MSH3: variants seen among roughly 807,000 people sequenced by gnomAD.
MSH3 encodes the protein mutS homolog 3.
MSH3 carries 106 observed loss-of-function variants against 123.3 expected under a neutral mutation model. That is an observed-to-expected ratio of 0.86 (90% CI 0.73 to 1.01). The LOEUF (loss-of-function observed/expected upper bound fraction) is 1.01. MSH3 is among the 50% of genes least tolerant of loss of function. The pLI, the probability that MSH3 is intolerant of heterozygous loss-of-function variation, is 0.00. For synonymous variants in MSH3, 515 were observed against 481.4 expected, an observed-to-expected ratio of 1.07 and a Z score of -0.91; for missense variants, 1,459 against 1,347.6, an observed-to-expected ratio of 1.08 and a Z score of -1.29.
In MSH3 at chr5:80,656,351, C is replaced by T. The variant is rs1030519917; in HGVS notation, c.238-60C>T. Reference sequence around the variant, plus strand: ...CAGTTGTAAGGTTTAAATTGCTTCACATACGTCAGGCCTTCTCAGAGTAGA... The same window carrying T: ...CAGTTGTAAGGTTTAAATTGCTTCATATACGTCAGGCCTTCTCAGAGTAGA... On this transcript the variant is annotated intron_variant, in intron 1 of 23. Transcript: ENST00000265081. 27 of 1,607,004 alleles carry T rather than the reference C, an allele frequency of 1.7e-5. No homozygotes were observed. In the African/African-American group the frequency reaches 2.7e-4, roughly 16 times the overall value.
chr5:80,712,630 A>G (rs1750881983), intron 8 of MSH3, among the ~76,000 whole-genome samples: 1 of 152,030 alleles, frequency 6.6e-6, no homozygotes, highest in African/African-American at 2.4e-5. Flanking sequence ...ATCTGAATTT[A>G]ATTTTCTTTT....
intron 19 of MSH3, among the ~76,000 whole-genome samples, chr5:80,808,460 G>T (rs965959488): frequency 6.6e-6 from 1 of 152,108 alleles, no homozygotes; most frequent in African/African-American, 2.4e-5. Flanking sequence ...GCCTTGACCT[G>T]GTTGAAGAAG....
intron 13 of MSH3, among the ~76,000 whole-genome samples, chr5:80,767,515 C>T (rs1016429768): frequency 7.2e-5 from 11 of 152,036 alleles, no homozygotes; most frequent in African/African-American, 1.4e-4. Flanking sequence ...GCTGCATATT[C>T]AGTTTGTTTA....
intron 8 of MSH3, among the ~76,000 whole-genome samples, chr5:80,716,222 C>G (rs1012736618): frequency 6.6e-6 from 1 of 152,102 alleles, no homozygotes; most frequent in African/African-American, 2.4e-5. Flanking sequence ...GCTAGTTTTC[C>G]CTACCCCACA....
chr5:80,698,958 T>C (rs1401397129), intron 8 of MSH3, among the ~76,000 whole-genome samples: 1 of 151,842 alleles, frequency 6.6e-6, no homozygotes, highest in Non-Finnish European at 1.5e-5. Context: ...AATAAAAATA[T>C]ACAAATAAAT....
Position 80,813,614 on chromosome 5 carries a change from G to A in MSH3, c.2686G>A (p.Gly896Arg), listed in dbSNP as rs777054839. The change falls in exon 20 of 24, where the codon GGA (glycine) becomes AGA (arginine). Residue 896 changes from glycine to arginine, a missense_variant. Gly to Arg is a moderately radical substitution (Grantham distance 125, BLOSUM62 -2). Transcript: ENST00000265081. Reference protein sequence around the residue: ...EDSERVMIITGPNMGGKSSYI... With the variant: ...EDSERVMIITRPNMGGKSSYI... ...CTCAGAGAGAGTAATGATAATTACCGGACCAAACATGGGTGGAAAGAGCTC... is the reference window on the plus strand; with the variant it reads ...CTCAGAGAGAGTAATGATAATTACCAGACCAAACATGGGTGGAAAGAGCTC... 36 of 1,613,852 alleles carry A rather than the reference G, an allele frequency of 2.2e-5. No individual in the cohort carries two copies. Among genetic ancestry groups the A allele is most frequent in the African/African-American group, 5.3e-5 (4 of 74,866 alleles).
chr5:80,824,620 G>A (rs1468313966), intron 20 of MSH3, among the ~76,000 whole-genome samples: 1 of 152,214 alleles, frequency 6.6e-6, no homozygotes, highest in Non-Finnish European at 1.5e-5. Context: ...ATTATGAAAT[G>A]TAACAGGTGT....
At position 80,833,276 on chromosome 5, in the gene MSH3, T is replaced by C. The variant is rs570689707; in HGVS notation, c.2813+19535T>C. On this transcript the variant is annotated intron_variant, in intron 20 of 23. Coordinates refer to ENST00000265081, the MANE Select transcript of MSH3 (RefSeq NM_002439.5). The stretch of plus-strand genomic sequence containing the variant: ...TAACTTTAAGATGAAACCTAAAGAA[T>C]GGATTTTTCATTTTTTACTACATTT... 7.9e-5 allele frequency among the ~76,000 whole-genome samples: 12 copies of C among 152,184 alleles called. No individual in the cohort carries two copies. In the South Asian group the frequency reaches 2.3e-3, roughly 29 times the overall value.
At chr5:80,848,101 T>C (rs1745756824) in intron 20 of MSH3, among the ~76,000 whole-genome samples, 1 of 152,178 alleles carries the variant, frequency 6.6e-6, no homozygotes, top group South Asian at 2.1e-4. Flanking sequence ...TAGCCAGGCA[T>C]GCCTGTAGTC....
chr5:80,854,311 A>G lies in MSH3; in HGVS notation c.2995A>G (p.Arg999Gly), dbSNP rs2112106692. 2 of 1,612,884 alleles carry G rather than the reference A, an allele frequency of 1.2e-6. No homozygotes were observed. Among genetic ancestry groups the G allele is most frequent in the Non-Finnish European group, 1.7e-6 (2 of 1,178,968 alleles). ...CTATGCTACACTTGAGTATTTCATC[A>G]GAGATGTAAGTATCCGGTAAACTGT... is the stretch of plus-strand genomic sequence containing the variant. ...IAYATLEYFI[R>G]DVKSLTLFVT... The change falls in exon 21 of 24, where the codon AGA (arginine) becomes GGA (glycine). Residue 999 changes from arginine (R) to glycine (G), a missense_variant. By Grantham distance (125) the Arg-to-Gly change is moderately radical. Transcript: ENST00000265081.
chr5:80,815,437 A>G (rs577971085), intron 20 of MSH3, among the ~76,000 whole-genome samples: 66 of 152,314 alleles, frequency 4.3e-4, no homozygotes, highest in Admixed American at 8.5e-4. Flanking sequence ...CTGGAAGGAA[A>G]TCTTGTTACT....
At chr5:80,687,697 G>T (rs952525579) in intron 8 of MSH3, among the ~76,000 whole-genome samples, 1 of 152,156 alleles carries the variant, frequency 6.6e-6, no homozygotes, top group Non-Finnish European at 1.5e-5. Flanking sequence ...GAACTTTCAT[G>T]TTGAGAATTG....
At chr5:80,786,004 AGGG>A (rs36170505) in intron 17 of MSH3, among the ~76,000 whole-genome samples, 3 of 32,244 alleles carry the variant, frequency 9.3e-5, no homozygotes, top group African/African-American at 3.7e-4. Context: ...GGTGGGGGGA[AGGG>A]GGGAGGGATA....
rs1749190439 is a variant in MSH3, at chr5:80,654,791, G to T, written c.64G>T (p.Ala22Ser). 6.2e-7 allele frequency: 1 copy of T among 1,607,270 alleles called. No homozygotes were observed. Among genetic ancestry groups the T allele is most frequent in the Non-Finnish European group, 8.5e-7 (1 of 1,177,482 alleles). The change falls in exon 1 of 24, where the codon GCG becomes TCG. Residue 22 changes from alanine (A) to serine (S), a missense_variant. Coordinates refer to ENST00000265081, the MANE Select transcript of MSH3 (RefSeq NM_002439.5). ...CTCCAGCTCAGCCCCTGCGAGGCAA[G>T]CGGTTTTGAGCCGATTCTTCCAGTC... ...AASSSAPARQ[A>S]VLSRFFQSTG...
At chr5:80,715,295 G>A (rs1160840886) in intron 8 of MSH3, 3 of 152,128 alleles carry the variant, frequency 2.0e-5, no homozygotes, top group Non-Finnish European at 4.4e-5. Context: ...ACTGACAAAA[G>A]TTCCCATCCT....
chr5:80,783,658 G>A (rs568154982), intron 17 of MSH3, among the ~76,000 whole-genome samples: 1 of 152,254 alleles, frequency 6.6e-6, no homozygotes, highest in Non-Finnish European at 1.5e-5. Context: ...CTCAAGTCAA[G>A]CTGCTGAGTA....
intron 8 of MSH3, among the ~76,000 whole-genome samples, chr5:80,697,290 G>A (rs1326545728): frequency 3.9e-5 from 6 of 152,206 alleles, no homozygotes; most frequent in Admixed American, 2.0e-4. Flanking sequence ...CATAAGAAAG[G>A]TGCCTGAGTT....
chr5:80,802,413 T>TAA (rs141558071), intron 19 of MSH3, among the ~76,000 whole-genome samples: 10 of 149,530 alleles, frequency 6.7e-5, no homozygotes, highest in East Asian at 4.0e-4. Context: ...ATTGATTCTT[T>TAA]AAAAAAACAA....
At position 80,867,616 on chromosome 5, in the gene MSH3, G is replaced by A. The variant is rs569466110; in HGVS notation, c.3130+2674G>A. On this transcript the variant is annotated intron_variant, in intron 22 of 23. Transcript: ENST00000265081. ...ATAAAATCAAGGTTTTCTTAGGGGT[G>A]GAATAAATGTTGAATTAGGCTACTA... Among the ~76,000 whole-genome samples the A allele has an allele frequency of 7.9e-4, 120 of 152,226 alleles. 1 individual carries two copies. Among genetic ancestry groups the A allele is most frequent in the African/African-American group, 2.7e-3 (114 of 41,546 alleles).
Sources: allele counts gnomAD v4.1 joint callset (sites outside exome capture counted in the v4.1 genomes callset), GRCh38; gene constraint gnomAD v4.1.1; transcripts MANE v1.5; gene names NCBI Gene and HGNC (gene_info 2026-07-23, HGNC 2026-07-21).